Variants in FMNL2 observed in about 807,000 individuals in gnomAD.
The protein encoded by FMNL2 is formin-like protein 2.
FMNL2 carries 51 observed loss-of-function variants against 130.2 expected under a neutral mutation model. The observed-to-expected ratio is 0.39, with a 90% CI of 0.31 to 0.49. The LOEUF (loss-of-function observed/expected upper bound fraction) is 0.49. Ranked by LOEUF, FMNL2 falls within the 20% of genes least tolerant of loss-of-function variation. The probability of loss-of-function intolerance (pLI) is 0.85; values close to 1 mark genes in which losing one functional copy is unlikely to be tolerated. For synonymous variants in FMNL2, 465 were observed against 467.1 expected, an observed-to-expected ratio of 1.00 and a Z score of 0.06; for missense variants, 977 against 1,316.2, an observed-to-expected ratio of 0.74 and a Z score of 3.99.
chr2:152,639,682 G>C (rs1326633784), intron 23 of FMNL2, among the ~76,000 whole-genome samples: 2 of 152,176 alleles, frequency 1.3e-5, no homozygotes, highest in Non-Finnish European at 2.9e-5. Flanking sequence ...GCCCACCAGT[G>C]TGTGGGACAG....
At chr2:152,362,065 G>A (rs1579479729) in intron 1 of FMNL2, among the ~76,000 whole-genome samples, 2 of 152,106 alleles carry the variant, frequency 1.3e-5, no homozygotes, top group East Asian at 1.9e-4. Flanking sequence ...TAATATTTTG[G>A]TATGTATTCT....
chr2:152,415,469 T>G (rs1368672021), intron 1 of FMNL2, among the ~76,000 whole-genome samples: 1 of 152,246 alleles, frequency 6.6e-6, no homozygotes, highest in African/African-American at 2.4e-5. Flanking sequence ...AAAGCTGTTT[T>G]TGAAAACGGT....
rs547880204 is a variant in FMNL2 at position 152,486,054 on chromosome 2, A to T, written c.118-35889A>T. The stretch of plus-strand genomic sequence containing the variant: ...AAAGGACCAGAACTTGGGTATCTTG[A>T]GGCCTAAGATAAATAGATAGCAACG... On this transcript the variant is annotated intron_variant, in intron 1 of 25. Coordinates refer to ENST00000288670, the MANE Select transcript of FMNL2 (RefSeq NM_052905.4). 2.6e-5 allele frequency among the ~76,000 whole-genome samples: 4 copies of T among 152,296 alleles called. No individual in the cohort carries two copies. The South Asian group carries it at 8.3e-4, about 32-fold the overall frequency.
intron 1 of FMNL2, among the ~76,000 whole-genome samples, chr2:152,386,226 C>G (rs984855094): frequency 1.3e-5 from 2 of 152,186 alleles, no homozygotes; most frequent in African/African-American, 4.8e-5. Context: ...CCCCAGTGCT[C>G]TCAGTGAAAG....
chr2:152,611,647 CTTA>C (rs945608803), intron 11 of FMNL2, 42 bp downstream of exon 11: 2 of 1,277,826 alleles, frequency 1.6e-6, no homozygotes, highest in African/African-American at 1.5e-5. Context: ...TAAGAATTGA[CTTA>C]TTATTGCCTG....
intron 1 of FMNL2, among the ~76,000 whole-genome samples, chr2:152,403,222 G>GA (rs58474447): frequency 0.026 from 2,995 of 116,486 alleles, 58 homozygotes; most frequent in African/African-American, 0.063. Context: ...ACTGTAAACT[G>GA]AAAAAAAAAA....
intron 1 of FMNL2, among the ~76,000 whole-genome samples, chr2:152,476,044 T>A (rs1251452263): frequency 1.3e-5 from 2 of 152,192 alleles, no homozygotes; most frequent in Non-Finnish European, 2.9e-5. Flanking sequence ...TGGTATGGTT[T>A]TAGGGTGAGG....
At chr2:152,469,774 C>A (rs1387061035) in intron 1 of FMNL2, among the ~76,000 whole-genome samples, 1 of 152,162 alleles carries the variant, frequency 6.6e-6, no homozygotes, top group African/African-American at 2.4e-5. Context: ...AAAATAATGT[C>A]TCCGTCCTTT....
intron 1 of FMNL2, among the ~76,000 whole-genome samples, chr2:152,471,936 C>T (rs975311422): frequency 2.6e-5 from 4 of 152,078 alleles, no homozygotes; most frequent in African/African-American, 7.2e-5. Context: ...AGTGCGACTC[C>T]GGTAGCAGTA....
chr2:152,522,674 A>G (rs989073365), intron 2 of FMNL2, among the ~76,000 whole-genome samples: 1 of 152,152 alleles, frequency 6.6e-6, no homozygotes, highest in African/African-American at 2.4e-5. Flanking sequence ...CTGCCTCCAT[A>G]TGAGACATGC....
At chr2:152,613,358 A>G (rs915341027) in intron 11 of FMNL2, among the ~76,000 whole-genome samples, 1 of 152,212 alleles carries the variant, frequency 6.6e-6, no homozygotes, top group Non-Finnish European at 1.5e-5. Context: ...GCTGTAGAAT[A>G]TAACGGCAGG....
At chr2:152,589,938 T>A (rs1697294698) in intron 9 of FMNL2, among the ~76,000 whole-genome samples, 1 of 70,398 alleles carries the variant, frequency 1.4e-5, no homozygotes, top group Admixed American at 1.7e-4. Flanking sequence ...CCTGGCTTTA[T>A]ACATATATAT....
intron 1 of FMNL2, among the ~76,000 whole-genome samples, chr2:152,436,246 G>A (rs576132042): frequency 6.5e-4 from 98 of 151,912 alleles, no homozygotes; most frequent in African/African-American, 2.3e-3. Context: ...GCTCACTGCA[G>A]CCTCCACCTC....
chr2:152,541,742 G>A (rs1694320793), intron 2 of FMNL2, among the ~76,000 whole-genome samples: 1 of 152,136 alleles, frequency 6.6e-6, no homozygotes, highest in African/African-American at 2.4e-5. Flanking sequence ...TATTTTATAA[G>A]TGTGAAGAAA....
chr2:152,450,104 C>A (rs796819147), intron 1 of FMNL2, among the ~76,000 whole-genome samples: 1 of 151,920 alleles, frequency 6.6e-6, no homozygotes, highest in African/African-American at 2.4e-5. Flanking sequence ...TCACTGAGAG[C>A]TTGGGGAATA....
chr2:152,478,524 C>T (rs1410568364), intron 1 of FMNL2, among the ~76,000 whole-genome samples: 1 of 152,070 alleles, frequency 6.6e-6, no homozygotes, highest in East Asian at 1.9e-4. Context: ...GTGTGAGCTA[C>T]TGTGCCCGGC....
intron 4 of FMNL2, among the ~76,000 whole-genome samples, chr2:152,555,448 T>C (rs1695151107): frequency 6.6e-6 from 1 of 152,236 alleles, no homozygotes; most frequent in Non-Finnish European, 1.5e-5. Context: ...TGTGCAACTT[T>C]GGGCTACTTG....
At chr2:152,354,335 CA>C (rs36013532) in intron 1 of FMNL2, among the ~76,000 whole-genome samples, 37 of 145,008 alleles carry the variant, frequency 2.6e-4, no homozygotes, top group African/African-American at 5.3e-4. Flanking sequence ...CCAGTAGTGG[CA>C]AAAAAAAAAA....
chr2:152,499,318 C>A (rs1452459908), intron 1 of FMNL2, among the ~76,000 whole-genome samples: 4 of 152,186 alleles, frequency 2.6e-5, no homozygotes, highest in Admixed American at 1.3e-4. Context: ...ATGTGATGTT[C>A]CTGATGATGG....
Sources: allele counts gnomAD v4.1 joint callset (sites outside exome capture counted in the v4.1 genomes callset), GRCh38; gene constraint gnomAD v4.1.1; transcripts MANE v1.5; gene names NCBI Gene and HGNC (gene_info 2026-07-23, HGNC 2026-07-21).